The following ITGB8 variants were observed in gnomAD, a reference collection of about 807,000 sequenced individuals.
The protein encoded by ITGB8 is integrin beta-8.
ITGB8 carries 30 observed loss-of-function variants against 89.5 expected under a neutral mutation model. The observed-to-expected ratio is 0.34, with a 90% CI of 0.25 to 0.45. The LOEUF is 0.45. Ranked by LOEUF, ITGB8 falls within the 20% of genes least tolerant of loss-of-function variation. The probability of loss-of-function intolerance (pLI) is 1.00; values close to 1 mark genes in which losing one functional copy is unlikely to be tolerated. For synonymous variants in ITGB8, 335 were observed against 320.4 expected, an observed-to-expected ratio of 1.05 and a Z score of -0.49; for missense variants, 836 against 933.3, an observed-to-expected ratio of 0.90 and a Z score of 1.36.
rs547671354 is a variant in ITGB8, at chr7:20,404,857, T to C, written c.1913+4T>C. On this transcript the variant is annotated splice_donor_region_variant and intron_variant, in intron 11 of 13. Transcript: ENST00000222573. ...ATACAGCCTGCAAGGAAAACTGGTA[T>C]GATTTCTTTGACTCCAAACATACAC... 65 of 1,612,026 alleles carry C rather than the reference T, an allele frequency of 4.0e-5. No homozygotes were observed. The South Asian group carries it at 7.1e-4, about 18-fold the overall frequency.
chr7:20,397,038 T>C (rs188169086), intron 8 of ITGB8, among the ~76,000 whole-genome samples: 128 of 152,296 alleles, frequency 8.4e-4, no homozygotes, highest in Non-Finnish European at 1.1e-3. Flanking sequence ...TCCAACAGAA[T>C]CAATTCACAA....
rs577709297 is a variant in ITGB8 at position 20,415,210 on chromosome 7, T to A, written c.*5213T>A. On this transcript the variant is annotated 3_prime_UTR_variant, in exon 14 of 14. Transcript: ENST00000222573. ...TTGCACATATTAATATAGAAATTCA[T>A]TTTGTGTATATTTAACATAGCTTTT... The A allele has an allele frequency of 3.9e-5, 6 of 152,442 alleles. No individual in the cohort carries two copies. The East Asian group carries it at 1.2e-3, about 29-fold the overall frequency. The allele number at this position is 152,442 out of a possible 1,614,324, so 9.4% of individuals were successfully genotyped here.
chr7:20,386,210 T>C (rs1251783149), intron 6 of ITGB8, among the ~76,000 whole-genome samples: 21 of 151,564 alleles, frequency 1.4e-4, no homozygotes. Flanking sequence ...GCTTGCTGAA[T>C]GATCTGCTTC....
intron 12 of ITGB8, 77 bp downstream of exon 12, chr7:20,406,248 A>G: frequency 1.1e-6 from 1 of 944,020 alleles, no homozygotes; most frequent in Non-Finnish European, 1.7e-6. Flanking sequence ...CCCATAATTA[A>G]CCATGCTAAA....
rs928975745 is a variant in ITGB8 at position 20,400,925 on chromosome 7, C to A, written c.1282-796C>A. Reference sequence around the variant, plus strand: ...TACTTGGGCTCCTAGAAAATAGGAACAAAATTAAAACTGTTCATTTGAACA... The same window carrying A: ...TACTTGGGCTCCTAGAAAATAGGAAAAAAATTAAAACTGTTCATTTGAACA... On this transcript the variant is annotated intron_variant, in intron 9 of 13. Coordinates refer to ENST00000222573, the MANE Select transcript of ITGB8 (RefSeq NM_002214.3). 9.2e-5 allele frequency among the ~76,000 whole-genome samples: 14 copies of A among 152,206 alleles called. No individual in the cohort carries two copies. The East Asian group carries it at 9.6e-4, about 10-fold the overall frequency.
intron 1 of ITGB8, among the ~76,000 whole-genome samples, chr7:20,355,565 A>T (rs1381826720): frequency 6.6e-6 from 1 of 152,200 alleles, no homozygotes; most frequent in Non-Finnish European, 1.5e-5. Context: ...ATAGAGAGGA[A>T]TCCAAACTGG....
chr7:20,359,083 G>A (rs1049553103), intron 1 of ITGB8, among the ~76,000 whole-genome samples: 1 of 152,088 alleles, frequency 6.6e-6, no homozygotes, highest in South Asian at 2.1e-4. Flanking sequence ...TGTTGTACAT[G>A]TACCACATTT....
intron 12 of ITGB8, among the ~76,000 whole-genome samples, chr7:20,407,602 C>T (rs572840576): frequency 1.2e-4 from 18 of 152,316 alleles, no homozygotes; most frequent in Non-Finnish European, 2.4e-4. Context: ...CACATCCACA[C>T]TGATCTTACC....
intron 1 of ITGB8, among the ~76,000 whole-genome samples, chr7:20,338,346 G>T (rs748264502): frequency 1.3e-5 from 2 of 152,156 alleles, no homozygotes; most frequent in Non-Finnish European, 2.9e-5. Context: ...ATTACTGGGG[G>T]CCGGTTGCAG....
intron 11 of ITGB8, 87 bp downstream of exon 11, chr7:20,404,940 A>G (rs1375435639): frequency 8.9e-7 from 1 of 1,125,402 alleles, no homozygotes; most frequent in Non-Finnish European, 1.3e-6. Flanking sequence ...AAACGTTGCC[A>G]GATACATTGT....
At chr7:20,339,001 G>A (rs938166540) in intron 1 of ITGB8, among the ~76,000 whole-genome samples, 3 of 152,212 alleles carry the variant, frequency 2.0e-5, no homozygotes, top group African/African-American at 7.2e-5. Context: ...AGACCAGCCT[G>A]GTGAACAGGG....
intron 10 of ITGB8, among the ~76,000 whole-genome samples, chr7:20,403,732 A>C (rs1696657674): frequency 2.0e-5 from 3 of 151,964 alleles, no homozygotes; most frequent in Non-Finnish European, 4.4e-5. Flanking sequence ...CTAAGAAAGG[A>C]AAGGAAGGGA....
intron 3 of ITGB8, among the ~76,000 whole-genome samples, chr7:20,371,377 A>G (rs1785928656): frequency 6.6e-6 from 1 of 152,184 alleles, no homozygotes; most frequent in Admixed American, 6.5e-5. Context: ...TAACTATTGA[A>G]TACTTTTAAA....
rs114207710 is a variant in ITGB8 at position 20,393,205 on chromosome 7, A to C, written c.1057-1691A>C. Among the ~76,000 whole-genome samples, 1,125 of 152,262 alleles carry C rather than the reference A, an allele frequency of 7.4e-3. 19 individuals carry two copies. Among genetic ancestry groups the C allele is most frequent in the African/African-American group, 0.024 (1,002 of 41,526 alleles). Reference sequence around the variant, plus strand: ...GCTTCCTCTTTGCTGTTTCTCTAACATTATTTCTTGGCAGCATTATTGGCT... The same window carrying C: ...GCTTCCTCTTTGCTGTTTCTCTAACCTTATTTCTTGGCAGCATTATTGGCT... On this transcript the variant is annotated intron_variant, in intron 7 of 13. Coordinates refer to ENST00000222573, the MANE Select transcript of ITGB8 (RefSeq NM_002214.3).
At position 20,413,647 on chromosome 7, in the gene ITGB8, C is replaced by A. The variant is rs190105068; in HGVS notation, c.*3650C>A. The A allele has an allele frequency of 4.6e-5, 7 of 152,004 alleles. No individual in the cohort carries two copies. Among genetic ancestry groups the A allele is most frequent in the African/African-American group, 1.7e-4 (7 of 41,394 alleles). The allele number at this position is 152,004 out of a possible 1,614,324, so 9.4% of individuals were successfully genotyped here. ...TATAATGAAGTTCTTCATTTCCAGA[C>A]ATCTTTAATTGATCTTAAAGCTCAT... On this transcript the variant is annotated 3_prime_UTR_variant, in exon 14 of 14. Coordinates refer to ENST00000222573, the MANE Select transcript of ITGB8 (RefSeq NM_002214.3).
chr7:20,357,367 C>T (rs1785333154), intron 1 of ITGB8, among the ~76,000 whole-genome samples: 1 of 152,036 alleles, frequency 6.6e-6, no homozygotes. Flanking sequence ...AACTTTATCA[C>T]CCAAGGGACT....
intron 2 of ITGB8, chr7:20,364,864 G>C (rs915778200): frequency 6.6e-6 from 1 of 152,126 alleles, no homozygotes; most frequent in African/African-American, 2.4e-5. Flanking sequence ...TTCATGGCTT[G>C]TTATTTCCTG....
At chr7:20,343,690 A>G (rs75906783) in intron 1 of ITGB8, among the ~76,000 whole-genome samples, 3,027 of 152,272 alleles carry the variant, frequency 0.02, 53 homozygotes, top group Non-Finnish European at 0.028. Flanking sequence ...GTCTCTTTTG[A>G]CTAAATATTC....
intron 8 of ITGB8, 86 bp downstream of exon 8, chr7:20,395,071 G>A (rs540127011): frequency 1.9e-5 from 14 of 734,764 alleles, no homozygotes; most frequent in South Asian, 1.5e-4. Flanking sequence ...ATGTCATCTC[G>A]AGAGGAGGAG....
Sources: gnomAD v4.1 joint callset for allele counts (sites outside exome capture counted in the v4.1 genomes callset) on GRCh38, gnomAD v4.1.1 for gene constraint, MANE v1.5 for transcripts, NCBI Gene and HGNC (gene_info 2026-07-23, HGNC 2026-07-21) for gene names.